The following CDH6 variants were observed in gnomAD, a reference collection of about 807,000 sequenced individuals.
CDH6 encodes cadherin 6, also known as cadherin-6.
CDH6 carries 31 observed loss-of-function variants against 78.0 expected under a neutral mutation model. The observed-to-expected ratio is 0.40, with a 90% CI of 0.30 to 0.54. The LOEUF is 0.54. CDH6 is among the 20% of genes least tolerant of loss of function. CDH6 has a pLI of 0.56. For missense variants in CDH6, 724 were observed against 975.9 expected, an observed-to-expected ratio of 0.74 and a Z score of 3.44; for synonymous variants, 376 against 368.8, an observed-to-expected ratio of 1.02 and a Z score of -0.23.
chr5:31,234,305 A>G (rs1741394730), intron 1 of CDH6, among the ~76,000 whole-genome samples: 1 of 152,248 alleles, frequency 6.6e-6, no homozygotes, highest in Non-Finnish European at 1.5e-5. Flanking sequence ...GTAAATTTCT[A>G]TAAACTGGGA....
chr5:31,311,504 C>T (rs1028593609), intron 7 of CDH6, among the ~76,000 whole-genome samples: 4 of 152,214 alleles, frequency 2.6e-5, no homozygotes, highest in Non-Finnish European at 2.9e-5. Context: ...TCCAAAGTTG[C>T]TTCCACATTT....
intron 2 of CDH6, among the ~76,000 whole-genome samples, chr5:31,289,317 C>T (rs1579886621): frequency 6.6e-6 from 1 of 152,268 alleles, no homozygotes; most frequent in African/African-American, 2.4e-5. Context: ...TTTTTTACAG[C>T]TTTGTAGTAT....
At chr5:31,248,360 C>T (rs1579849523) in intron 1 of CDH6, among the ~76,000 whole-genome samples, 1 of 152,158 alleles carries the variant, frequency 6.6e-6, no homozygotes, top group South Asian at 2.1e-4. Flanking sequence ...TAAGGTAGTC[C>T]CTGATAATCA....
chr5:31,244,460 C>CA (rs1362179013), intron 1 of CDH6, among the ~76,000 whole-genome samples: 1 of 152,128 alleles, frequency 6.6e-6, no homozygotes, highest in African/African-American at 2.4e-5. Flanking sequence ...AAGGGGGACT[C>CA]AATTGTATGA....
At chr5:31,196,693 T>C (rs1740177852) in intron 1 of CDH6, among the ~76,000 whole-genome samples, 1 of 152,202 alleles carries the variant, frequency 6.6e-6, no homozygotes. Context: ...GTCAAATCAT[T>C]ATTGCTATTA....
chr5:31,210,076 T>TTG (rs60543109), intron 1 of CDH6, among the ~76,000 whole-genome samples: 6,118 of 145,824 alleles, frequency 0.042, 197 homozygotes, highest in African/African-American at 0.088. Flanking sequence ...TTTTCTTAAA[T>TTG]TGTGTGTGTG....
intron 1 of CDH6, among the ~76,000 whole-genome samples, chr5:31,228,134 C>CAA (rs1386089018): frequency 2.2e-4 from 34 of 152,298 alleles, no homozygotes; most frequent in Non-Finnish European, 2.8e-4. Context: ...TTAAATCTCT[C>CAA]TCTCTTTGTC....
At position 31,265,913 on chromosome 5, in the gene CDH6, TAC is replaced by T. The variant is rs1220844136; in HGVS notation, c.-128-1431_-128-1430del. On this transcript the variant is annotated intron_variant, in intron 1 of 11. Coordinates refer to ENST00000265071, the MANE Select transcript of CDH6 (RefSeq NM_004932.4). ...CCTCAGCCTCCCAAGTAGCTGGGAC[TAC>T]AGGTGCCCGCCACCACGCCCGGCTA... 1.5e-3 allele frequency among the ~76,000 whole-genome samples: 225 copies of T among 151,560 alleles called. 1 individual carries two copies. The highest frequency in any genetic ancestry group is 0.01 in the Middle Eastern group (3 of 294).
chr5:31,195,712 C>G (rs150775510), intron 1 of CDH6, among the ~76,000 whole-genome samples: 392 of 152,248 alleles, frequency 2.6e-3, no homozygotes, highest in African/African-American at 9.1e-3. Flanking sequence ...AAAAGAAACC[C>G]AACAATTGAC....
rs1252039116 is a variant in CDH6, at chr5:31,305,299, G to A, written c.1125G>A (p.Glu375=). Residue 375 remains glutamate (E), a synonymous_variant, in exon 7 of 12, where the codon GAG becomes GAA. Coordinates refer to ENST00000265071, the MANE Select transcript of CDH6 (RefSeq NM_004932.4). The stretch of plus-strand genomic sequence containing the variant: ...CAGCCACGGTTAGAATTGTGGTGGA[G>A]GATGTAGATGAGCCACCTGTCTTCA... ...KDSATVRIVV[E]DVDEPPVFSK... is the part of the protein sequence containing the mutation. 1.9e-6 allele frequency: 3 copies of A among 1,614,124 alleles called. No homozygotes were observed. The highest frequency in any genetic ancestry group is 2.2e-5 in the East Asian group (1 of 44,866).
At chr5:31,198,681 G>A (rs1038160607) in intron 1 of CDH6, among the ~76,000 whole-genome samples, 4 of 152,172 alleles carry the variant, frequency 2.6e-5, no homozygotes, top group African/African-American at 2.4e-5. Flanking sequence ...AAAGAGATGA[G>A]GACGTAAATT....
Position 31,314,829 on chromosome 5 carries a change from T to G in CDH6, c.1390+1375T>G, listed in dbSNP as rs555943973. On this transcript the variant is annotated intron_variant, in intron 8 of 11. Coordinates refer to ENST00000265071, the MANE Select transcript of CDH6 (RefSeq NM_004932.4). ...TTAATCTTTGTGCCTTAAAAAAAGT[T>G]TTTAAGATTTAATGTTTCTATGACA... Among the ~76,000 whole-genome samples, 8 of 152,280 alleles carry G rather than the reference T, an allele frequency of 5.3e-5. No individual in the cohort carries two copies. In the South Asian group the frequency reaches 8.3e-4, roughly 16 times the overall value.
chr5:31,196,643 A>G (rs1740176345), intron 1 of CDH6, among the ~76,000 whole-genome samples: 1 of 152,208 alleles, frequency 6.6e-6, no homozygotes, highest in Non-Finnish European at 1.5e-5. Flanking sequence ...TCTGTAGACA[A>G]GTTAGTATTC....
rs987975811 is a variant in CDH6, at chr5:31,324,180, A to C, written c.*872A>C. 3 of 218,566 alleles carry C rather than the reference A, an allele frequency of 1.4e-5. No homozygotes were observed. The highest frequency in any genetic ancestry group is 1.8e-5 in the Non-Finnish European group (2 of 108,946). 13.5% of individuals were successfully genotyped at this position (218,566 alleles called of 1,614,324 possible). A position where few individuals can be genotyped will look rare whatever the true frequency, so the allele number is the denominator to read the frequency against. Reference sequence around the variant, plus strand: ...GTCAAAATTGTTTAAAAATTCTTGAAAGAATTTTCCTGAGACAAATTTTAA... The same window carrying C: ...GTCAAAATTGTTTAAAAATTCTTGACAGAATTTTCCTGAGACAAATTTTAA... On this transcript the variant is annotated 3_prime_UTR_variant, in exon 12 of 12. Transcript: ENST00000265071.
At chr5:31,232,512 A>G (rs1741340868) in intron 1 of CDH6, among the ~76,000 whole-genome samples, 1 of 152,136 alleles carries the variant, frequency 6.6e-6, no homozygotes, top group African/African-American at 2.4e-5. Context: ...CTTAATCTCT[A>G]CAAAACGTTT....
At chr5:31,218,541 A>G (rs1740927169) in intron 1 of CDH6, among the ~76,000 whole-genome samples, 1 of 152,096 alleles carries the variant, frequency 6.6e-6, no homozygotes, top group African/African-American at 2.4e-5. Flanking sequence ...ATCTTCCCCC[A>G]TTCTACCCAA....
chr5:31,291,332 C>T (rs1743157760), intron 2 of CDH6, among the ~76,000 whole-genome samples: 1 of 152,292 alleles, frequency 6.6e-6, no homozygotes, highest in African/African-American at 2.4e-5. Flanking sequence ...TGATTATAAA[C>T]TAAGAGTTAA....
rs560852797 is a variant in CDH6 at position 31,327,638 on chromosome 5, T to C, written c.*4330T>C. On this transcript the variant is annotated 3_prime_UTR_variant, in exon 12 of 12. Coordinates refer to ENST00000265071, the MANE Select transcript of CDH6 (RefSeq NM_004932.4). ...CAGGAAAATGAGCTATTTCATAAGC[T>C]CAAACAAGCAGCTTCCTTTTCCAGA... 4 of 198,592 alleles carry C rather than the reference T, an allele frequency of 2.0e-5. No homozygotes were observed. Among genetic ancestry groups the C allele is most frequent in the South Asian group, 3.9e-4 (2 of 5,194 alleles). 12.3% of individuals were successfully genotyped at this position (198,592 alleles called of 1,614,324 possible).
chr5:31,216,352 C>T (rs1265643656), intron 1 of CDH6, among the ~76,000 whole-genome samples: 1 of 151,978 alleles, frequency 6.6e-6, no homozygotes, highest in Non-Finnish European at 1.5e-5. Context: ...TTTGTGTGGC[C>T]TGCAGGCTGA....
Sources: gnomAD v4.1 joint callset for allele counts (sites outside exome capture counted in the v4.1 genomes callset) on GRCh38, gnomAD v4.1.1 for gene constraint, MANE v1.5 for transcripts, NCBI Gene and HGNC (gene_info 2026-07-23, HGNC 2026-07-21) for gene names.